The following NEBL variants were observed in gnomAD, a reference collection of about 807,000 sequenced individuals.
NEBL encodes LIM and SH3 protein 2.
A neutral mutation model predicts 140.2 loss-of-function variants in NEBL; 122 were observed. The observed-to-expected ratio is 0.87, with a 90% confidence interval of 0.75 to 1.01. The LOEUF (loss-of-function observed/expected upper bound fraction) is 1.01. Among genes scored for constraint, NEBL ranks in the 50% least tolerant of loss-of-function variants. The pLI, the probability that NEBL is intolerant of heterozygous loss-of-function variation, is 0.00. For missense variants in NEBL, 1,365 were observed against 1,231.3 expected, an observed-to-expected ratio of 1.11 and a Z score of -1.62; for synonymous variants, 436 against 398.9, an observed-to-expected ratio of 1.09 and a Z score of -1.11.
chr10:21,099,670 G>C (rs1258606992), intron 2 of NEBL, among the ~76,000 whole-genome samples: 1 of 152,136 alleles, frequency 6.6e-6, no homozygotes, highest in Non-Finnish European at 1.5e-5. Flanking sequence ...TCTCATATGA[G>C]TGGCCAGCAC....
intron 3 of NEBL, among the ~76,000 whole-genome samples, chr10:20,995,238 C>T (rs1837621126): frequency 6.6e-6 from 1 of 152,120 alleles, no homozygotes; most frequent in Admixed American, 6.5e-5. Context: ...GAGCCCAGAG[C>T]TGACAGAGCC....
chr10:21,067,028 A>G (rs1835587836), intron 2 of NEBL, among the ~76,000 whole-genome samples: 2 of 132,146 alleles, frequency 1.5e-5, no homozygotes, highest in Admixed American at 9.1e-5. Context: ...GCTGTAGTGC[A>G]GTGGCGCGAT....
chr10:21,126,148 G>T (rs757952456), intron 2 of NEBL: 1 of 1,590,286 alleles, frequency 6.3e-7, no homozygotes, highest in Non-Finnish European at 8.6e-7. Flanking sequence ...GCAGCTGTCC[G>T]TTCTTCAAGC....
chr10:20,989,212 C>T (rs1055488089), intron 3 of NEBL, among the ~76,000 whole-genome samples: 1 of 152,162 alleles, frequency 6.6e-6, no homozygotes, highest in Non-Finnish European at 1.5e-5. Flanking sequence ...TCTCTCGAGG[C>T]AGCCAAAATC....
At chr10:20,934,055 C>T (rs1026548143) in intron 4 of NEBL, among the ~76,000 whole-genome samples, 17 of 152,204 alleles carry the variant, frequency 1.1e-4, no homozygotes, top group Non-Finnish European at 4.4e-5. Flanking sequence ...AAAAAGGCCC[C>T]ATTTTACACT....
At chr10:21,144,569 T>C (rs1240543867) in intron 2 of NEBL, among the ~76,000 whole-genome samples, 2 of 151,732 alleles carry the variant, frequency 1.3e-5, no homozygotes, top group Non-Finnish European at 2.9e-5. Flanking sequence ...GGACTAAAAA[T>C]ACAAAAATAA....
intron 3 of NEBL, among the ~76,000 whole-genome samples, chr10:20,977,949 T>C (rs1836871043): frequency 6.6e-6 from 1 of 152,222 alleles, no homozygotes; most frequent in African/African-American, 2.4e-5. Context: ...AAATAGGATC[T>C]GCCACGAAAA....
chr10:21,028,925 C>T, intron 2 of NEBL: 1 of 457,800 alleles, frequency 2.2e-6, no homozygotes, highest in South Asian at 3.9e-5. Context: ...TTTTTAAATT[C>T]CACTAAAAAA....
At chr10:21,172,836 A>C (rs754562293) in intron 1 of NEBL, among the ~76,000 whole-genome samples, 8 of 152,146 alleles carry the variant, frequency 5.3e-5, no homozygotes, top group Non-Finnish European at 1.0e-4. Flanking sequence ...TCCAGTTCAA[A>C]GTGTCTAAAT....
At chr10:20,796,661 G>C (rs1301084141) in intron 26 of NEBL, among the ~76,000 whole-genome samples, 3 of 151,998 alleles carry the variant, frequency 2.0e-5, no homozygotes, top group African/African-American at 4.8e-5. Flanking sequence ...TTTTACTTCA[G>C]AATAATCTAG....
intron 1 of NEBL, among the ~76,000 whole-genome samples, chr10:21,269,543 T>C (rs891352784): frequency 1.3e-5 from 2 of 152,264 alleles, no homozygotes; most frequent in African/African-American, 2.4e-5. Flanking sequence ...TGAACGTTCG[T>C]GGTTAGAACT....
chr10:21,186,558 T>A (rs1313998209), intron 3 of NEBL, among the ~76,000 whole-genome samples: 1 of 152,086 alleles, frequency 6.6e-6, no homozygotes, highest in Non-Finnish European at 1.5e-5. Flanking sequence ...ATCAAGCTTG[T>A]CCAACCCATG....
At chr10:21,044,523 T>C (rs1834424951) in intron 2 of NEBL, among the ~76,000 whole-genome samples, 1 of 151,132 alleles carries the variant, frequency 6.6e-6, no homozygotes, top group Non-Finnish European at 1.5e-5. Context: ...GAAATGCTGA[T>C]TCATGCAGTG....
intron 13 of NEBL, among the ~76,000 whole-genome samples, chr10:20,838,296 C>G (rs1341550880): frequency 6.6e-6 from 1 of 152,148 alleles, no homozygotes; most frequent in Non-Finnish European, 1.5e-5. Context: ...GATTTCAACT[C>G]TCATGGATGA....
At chr10:21,038,855 G>T (rs570226538) in intron 2 of NEBL, among the ~76,000 whole-genome samples, 1 of 151,988 alleles carries the variant, frequency 6.6e-6, no homozygotes, top group Non-Finnish European at 1.5e-5. Context: ...CTATTTCTCC[G>T]CATCCTCACC....
intron 2 of NEBL, among the ~76,000 whole-genome samples, chr10:21,083,079 T>C (rs1391387579): frequency 6.6e-6 from 1 of 152,214 alleles, no homozygotes; most frequent in Non-Finnish European, 1.5e-5. Context: ...ACCCTTTCTT[T>C]GGTGACTGTT....
intron 2 of NEBL, among the ~76,000 whole-genome samples, chr10:21,055,907 G>T (rs1835001989): frequency 6.6e-6 from 1 of 152,198 alleles, no homozygotes; most frequent in South Asian, 2.1e-4. Context: ...ATTAAAATCA[G>T]CCAGAGTATC....
intron 14 of NEBL, among the ~76,000 whole-genome samples, chr10:20,835,306 C>G (rs1250230682): frequency 6.6e-6 from 1 of 152,126 alleles, no homozygotes; most frequent in African/African-American, 2.4e-5. Context: ...TGCCTTCCAC[C>G]AAGCTTTCTT....
At chr10:21,167,870 A>C (rs1840852681) in intron 2 of NEBL, among the ~76,000 whole-genome samples, 2 of 152,198 alleles carry the variant, frequency 1.3e-5, no homozygotes, top group Non-Finnish European at 2.9e-5. Context: ...TCCATGGTGA[A>C]AAAAATCCCA....
Sources: allele counts gnomAD v4.1 joint callset (sites outside exome capture counted in the v4.1 genomes callset), GRCh38; gene constraint gnomAD v4.1.1; transcripts MANE v1.5; gene names NCBI Gene and HGNC (gene_info 2026-07-23, HGNC 2026-07-21).